ZFYVE16: variants seen among roughly 807,000 people sequenced by gnomAD.
ZFYVE16 encodes the protein zinc finger FYVE domain-containing protein 16.
A neutral mutation model predicts 138.1 loss-of-function variants in ZFYVE16; 89 were observed. The observed-to-expected ratio is 0.64, with a 90% CI of 0.54 to 0.77. ZFYVE16 has a LOEUF of 0.77. Among genes scored for constraint, ZFYVE16 ranks in the 30% least tolerant of loss-of-function variants. ZFYVE16 has a pLI of 0.00. For missense variants in ZFYVE16, 1,793 were observed against 1,786.7 expected, an observed-to-expected ratio of 1.00 and a Z score of -0.06; for synonymous variants, 596 against 618.3, an observed-to-expected ratio of 0.96 and a Z score of 0.53.
chr5:80,413,519 C>T (rs1745771903), intron 1 of ZFYVE16, among the ~76,000 whole-genome samples: 1 of 151,718 alleles, frequency 6.6e-6, no homozygotes, highest in South Asian at 2.1e-4. Flanking sequence ...AATCTTCTGC[C>T]CCAGTCCTTC....
chr5:80,461,678 A>G (rs1251882769), intron 15 of ZFYVE16, among the ~76,000 whole-genome samples: 15 of 152,020 alleles, frequency 9.9e-5, no homozygotes, highest in Admixed American at 9.8e-4. Flanking sequence ...TTCTTCTTCT[A>G]AGAACACCAG....
intron 7 of ZFYVE16, among the ~76,000 whole-genome samples, chr5:80,445,913 T>C (rs1751289069): frequency 6.7e-6 from 1 of 148,500 alleles, no homozygotes; most frequent in African/African-American, 2.5e-5. Flanking sequence ...TTTTTTTTTT[T>C]TTTTGAGATG....
At position 80,449,697 on chromosome 5, in the gene ZFYVE16, T is replaced by C. The variant is rs905341419; in HGVS notation, c.3210T>C (p.Asn1070=). The C allele has an allele frequency of 1.0e-5, 16 of 1,595,042 alleles. No individual in the cohort carries two copies. In the African/African-American group the frequency reaches 1.9e-4, roughly 19 times the overall value. ...TCCTAAATGCTAATCTACTCGTGAATGTCAAATTCATATTTTGTAAGTAAT... is the reference window on the plus strand; with the variant it reads ...TCCTAAATGCTAATCTACTCGTGAACGTCAAATTCATATTTTGTAAGTAAT... ...TFVLNANLLV[N]VKFIFYSSDK... Residue 1070 remains asparagine (N), a synonymous_variant, in exon 9 of 19, where the codon AAT becomes AAC. Transcript: ENST00000505560.
rs1371734364 is a variant in ZFYVE16 at position 80,478,491 on chromosome 5, C to T, written c.*1114C>T. ...AATTGTTACAGAGCTTTCCTCTTTA[C>T]TTCAAACAGCAAAAAAGTGGGGGGC... On this transcript the variant is annotated 3_prime_UTR_variant, in exon 19 of 19. Coordinates refer to ENST00000505560, the MANE Select transcript of ZFYVE16 (RefSeq NM_001284236.3). The T allele has an allele frequency of 6.6e-6, 1 of 151,996 alleles. No individual in the cohort carries two copies. The highest frequency in any genetic ancestry group is 1.5e-5 in the Non-Finnish European group (1 of 67,934). 9.4% of individuals were successfully genotyped at this position (151,996 alleles called of 1,614,324 possible).
intron 3 of ZFYVE16, among the ~76,000 whole-genome samples, chr5:80,436,332 G>C (rs1749901148): frequency 6.6e-6 from 1 of 152,176 alleles, no homozygotes; most frequent in African/African-American, 2.4e-5. Flanking sequence ...AACTTGAGGA[G>C]TCCTCCCAAA....
At position 80,436,777 on chromosome 5, in the gene ZFYVE16, A is replaced by T; in HGVS notation, c.92A>T (p.Asp31Val). The T allele has an allele frequency of 6.2e-7, 1 of 1,612,026 alleles. No individual in the cohort carries two copies. The highest frequency in any genetic ancestry group is 8.5e-7 in the Non-Finnish European group (1 of 1,178,794). Residue 31 changes from aspartate (D) to valine (V), a missense_variant, in exon 4 of 19, where the codon GAT (aspartate) becomes GTT (valine). By Grantham distance (152) the Asp-to-Val change is radical. This residue lies in a region of ZFYVE16 where 1,295 missense variants were observed against 1,204.3 expected (regional missense o/e 1.08). Transcript: ENST00000505560. ...TCAGATGAACAAGATTATCTCCAAGATGTACAAAATGCATATGATTCTAAC... is the reference window on the plus strand; with the variant it reads ...TCAGATGAACAAGATTATCTCCAAGTTGTACAAAATGCATATGATTCTAAC... ...QNPDEQDYLQ[D>V]VQNAYDSNHC...
At chr5:80,425,318 A>G (rs1747838390) in intron 1 of ZFYVE16, among the ~76,000 whole-genome samples, 1 of 152,072 alleles carries the variant, frequency 6.6e-6, no homozygotes, top group Non-Finnish European at 1.5e-5. Context: ...TTTCAAGCCC[A>G]TTTTTAAAGT....
intron 9 of ZFYVE16, 111 bp from the exon 10 acceptor site, chr5:80,450,320 C>T (rs988668510): frequency 9.4e-7 from 1 of 1,061,250 alleles, no homozygotes; most frequent in African/African-American, 1.6e-5. Flanking sequence ...ATAAGGAGAA[C>T]TTTGGGAACA....
At position 80,481,253 on chromosome 5, in the gene ZFYVE16, T is replaced by C. The variant is rs59207280; in HGVS notation, c.*3876T>C. Among the ~76,000 whole-genome samples, 1,393 of 152,196 alleles carry C rather than the reference T, an allele frequency of 9.2e-3. 24 individuals are homozygous for C. Among genetic ancestry groups the C allele is most frequent in the African/African-American group, 0.033 (1,359 of 41,496 alleles). The stretch of plus-strand genomic sequence containing the variant: ...GGCAGAACACTGGCAATGGGGAGGC[T>C]AACGCCCTGACTTTCTAGCCAAAAA... On this transcript the variant is annotated 3_prime_UTR_variant, in exon 19 of 19. Coordinates refer to ENST00000505560, the MANE Select transcript of ZFYVE16 (RefSeq NM_001284236.3).
In ZFYVE16 at chr5:80,456,548, C is replaced by T. The variant is rs373776472; in HGVS notation, c.3778C>T (p.Arg1260Trp). ...GGGAAAAAGCTGCATAAAAATACCA[C>T]GGAAAAAGTACAGTGATGTAAGTAT... ...EMGKSCIKIP[R>W]KKYSDVMKVL... is the part of the protein sequence containing the mutation. The change falls in exon 13 of 19, where the codon CGG becomes TGG. Residue 1260 changes from arginine to tryptophan, a missense_variant. Physicochemically the swap from Arg to Trp is moderately radical, Grantham distance 101 (BLOSUM62 -3). This residue lies in a region of ZFYVE16 where 498 missense variants were observed against 582.4 expected (regional missense o/e 0.86). Coordinates refer to ENST00000505560, the MANE Select transcript of ZFYVE16 (RefSeq NM_001284236.3). 5.3e-5 allele frequency: 85 copies of T among 1,610,678 alleles called. No homozygotes were observed. Among genetic ancestry groups the T allele is most frequent in the Middle Eastern group, 3.3e-4 (2 of 6,052 alleles).
rs1470375275 is a variant in ZFYVE16, at chr5:80,482,588, G to C, written c.*5211G>C. 1 of 152,128 alleles carries C rather than the reference G, an allele frequency of 6.6e-6. No homozygotes were observed. The highest frequency in any genetic ancestry group is 1.5e-5 in the Non-Finnish European group (1 of 68,024). 9.4% of individuals were successfully genotyped at this position (152,128 alleles called of 1,614,324 possible). On this transcript the variant is annotated 3_prime_UTR_variant, in exon 19 of 19. Coordinates refer to ENST00000505560, the MANE Select transcript of ZFYVE16 (RefSeq NM_001284236.3). ...TATTTAAAGCCGGTCTGCTGGCACAGCAAATCCCAAAAAGGAAAACCACAC... is the reference window on the plus strand; with the variant it reads ...TATTTAAAGCCGGTCTGCTGGCACACCAAATCCCAAAAAGGAAAACCACAC...
intron 1 of ZFYVE16, among the ~76,000 whole-genome samples, chr5:80,418,713 T>C (rs1746624696): frequency 1.3e-5 from 2 of 152,206 alleles, no homozygotes; most frequent in Non-Finnish European, 2.9e-5. Flanking sequence ...GTCTATGGCT[T>C]GTCTTCTTAT....
At position 80,473,692 on chromosome 5, in the gene ZFYVE16, ATAAT is replaced by A. The variant is rs1754606063; in HGVS notation, c.4188-60_4188-57del. 2.5e-6 allele frequency: 3 copies of A among 1,218,704 alleles called. No homozygotes were observed. In the South Asian group the frequency reaches 4.5e-5, roughly 18 times the overall value. 75.5% of individuals were successfully genotyped at this position (1,218,704 alleles called of 1,614,324 possible). A position where few individuals can be genotyped will look rare whatever the true frequency, so the allele number is the denominator to read the frequency against. Reference sequence around the variant, plus strand: ...CCCTCATTCCATTTGTTCAAATCTAATAATTCATTTCAAAAACACATTGGTGCTA... The same window carrying A: ...CCCTCATTCCATTTGTTCAAATCTAATCATTTCAAAAACACATTGGTGCTA... On this transcript the variant is annotated intron_variant, in intron 16 of 18. Transcript: ENST00000505560.
At chr5:80,465,400 G>GTTTTTT (rs3072097) in intron 15 of ZFYVE16, among the ~76,000 whole-genome samples, 375 of 26,756 alleles carry the variant, frequency 0.014, 82 homozygotes, top group Middle Eastern at 0.05. Flanking sequence ...CCTTTTCTTT[G>GTTTTTT]TTTTTTTTTT....
chr5:80,470,809 C>A (rs249031), intron 15 of ZFYVE16, among the ~76,000 whole-genome samples: 118,116 of 152,112 alleles, frequency 0.78, 49,042 homozygotes, highest in East Asian at 0.92. Context: ...CCACACCTGG[C>A]CTGTCTAGTA....
intron 1 of ZFYVE16, among the ~76,000 whole-genome samples, chr5:80,417,175 C>T (rs543891558): frequency 6.6e-6 from 1 of 152,258 alleles, no homozygotes; most frequent in African/African-American, 2.4e-5. Flanking sequence ...TAACCTGTAC[C>T]ACCATGGAAA....
rs191773591 is a variant in ZFYVE16, at chr5:80,428,918, A to C, written c.-40+1373A>C. Among the ~76,000 whole-genome samples the C allele has an allele frequency of 2.6e-5, 4 of 152,308 alleles. No homozygotes were observed. The East Asian group carries it at 7.7e-4, about 29-fold the overall frequency. On this transcript the variant is annotated intron_variant, in intron 2 of 18. Transcript: ENST00000505560. ...AGAAGTTTAGAGAAAAAAGAATAAA[A>C]AGAAACGAACAAAGCCTCCAAGAAA...
intron 15 of ZFYVE16, among the ~76,000 whole-genome samples, chr5:80,467,591 G>C (rs1941924958): frequency 6.6e-6 from 1 of 152,168 alleles, no homozygotes; most frequent in East Asian, 1.9e-4. Context: ...TACAGAATTA[G>C]TTCAAAAAAG....
At position 80,448,038 on chromosome 5, in the gene ZFYVE16, G is replaced by A. The variant is rs1311732797; in HGVS notation, c.2737G>A (p.Val913Met). The change falls in exon 8 of 19, where the codon GTG (valine) becomes ATG (methionine). Residue 913 changes from valine (V) to methionine (M), a missense_variant. Val to Met is a conservative substitution (Grantham distance 21). This residue lies in a region of ZFYVE16 where 1,295 missense variants were observed against 1,204.3 expected (regional missense o/e 1.08). Coordinates refer to ENST00000505560, the MANE Select transcript of ZFYVE16 (RefSeq NM_001284236.3). Reference sequence around the variant, plus strand: ...ACATATTTTACAGACAGTAAACACAGTGGATCATTCCCATTCTACTACAGT... The same window carrying A: ...ACATATTTTACAGACAGTAAACACAATGGATCATTCCCATTCTACTACAGT... Reference protein sequence around the residue: ...SPDVPMTVNTVDHSHSTTVEK... With the variant: ...SPDVPMTVNTMDHSHSTTVEK... 6.2e-7 allele frequency: 1 copy of A among 1,603,430 alleles called. No homozygotes were observed. The highest frequency in any genetic ancestry group is 8.5e-7 in the Non-Finnish European group (1 of 1,175,246).
Sources: allele counts gnomAD v4.1 joint callset (sites outside exome capture counted in the v4.1 genomes callset), GRCh38; gene constraint gnomAD v4.1.1; regional missense constraint gnomAD v4.1.1; transcripts MANE v1.5; gene names NCBI Gene and HGNC (gene_info 2026-07-23, HGNC 2026-07-21).